The following LRBA variants were observed in gnomAD, a reference collection of about 807,000 sequenced individuals.
The protein encoded by LRBA is lipopolysaccharide-responsive and beige-like anchor protein.
A neutral mutation model predicts 330.0 loss-of-function variants in LRBA; 176 were observed. The ratio of observed to expected loss-of-function variants is 0.53; its 90% CI spans 0.47 to 0.60. LRBA has a LOEUF of 0.60. LRBA is among the 20% of genes least tolerant of loss of function. The pLI, the probability that LRBA is intolerant of heterozygous loss-of-function variation, is 0.00. For synonymous variants in LRBA, 1,230 were observed against 1,193.0 expected, an observed-to-expected ratio of 1.03 and a Z score of -0.64; for missense variants, 3,259 against 3,444.8, an observed-to-expected ratio of 0.95 and a Z score of 1.35.
At chr4:150,762,253 A>G (rs541528183) in intron 34 of LRBA, among the ~76,000 whole-genome samples, 5 of 152,080 alleles carry the variant, frequency 3.3e-5, no homozygotes, top group African/African-American at 1.2e-4. Flanking sequence ...AATAACCCTA[A>G]TAAAAACAGC....
chr4:150,631,015 A>G (rs974528297), intron 37 of LRBA, among the ~76,000 whole-genome samples: 25 of 152,158 alleles, frequency 1.6e-4, no homozygotes, highest in African/African-American at 6.0e-4. Context: ...CTGTAAAAAC[A>G]TTAAAATATT....
intron 2 of LRBA, among the ~76,000 whole-genome samples, chr4:150,995,943 T>C (rs1334573378): frequency 6.6e-6 from 1 of 151,994 alleles, no homozygotes; most frequent in African/African-American, 2.4e-5. Context: ...TCCTTTTCTA[T>C]GAAGTAGGGA....
chr4:150,514,714 T>G (rs1396280176), intron 40 of LRBA, among the ~76,000 whole-genome samples: 1 of 152,204 alleles, frequency 6.6e-6, no homozygotes, highest in African/African-American at 2.4e-5. Flanking sequence ...AAATGTTACA[T>G]GAACCAGGAC....
intron 40 of LRBA, among the ~76,000 whole-genome samples, chr4:150,519,446 C>T (rs1762698813): frequency 6.6e-6 from 1 of 152,138 alleles, no homozygotes; most frequent in Admixed American, 6.5e-5. Context: ...ACGCATGATA[C>T]ACATGGAATC....
chr4:150,966,130 A>C (rs1738853721), intron 2 of LRBA, among the ~76,000 whole-genome samples: 1 of 152,120 alleles, frequency 6.6e-6, no homozygotes, highest in Non-Finnish European at 1.5e-5. Context: ...GTATTATGTG[A>C]AATTTTGCCC....
At chr4:150,407,684 C>T (rs554402628) in intron 47 of LRBA, among the ~76,000 whole-genome samples, 3 of 152,152 alleles carry the variant, frequency 2.0e-5, no homozygotes, top group African/African-American at 7.2e-5. Context: ...AGTATGCTCT[C>T]CAATCACAAT....
chr4:151,004,714 G>A (rs575615633), intron 2 of LRBA, among the ~76,000 whole-genome samples: 4 of 152,308 alleles, frequency 2.6e-5, no homozygotes, highest in African/African-American at 4.8e-5. Flanking sequence ...GGCTGGGCGC[G>A]GTGGCTCACG....
At chr4:150,432,929 A>T (rs1346203046) in intron 46 of LRBA, among the ~76,000 whole-genome samples, 1 of 152,124 alleles carries the variant, frequency 6.6e-6, no homozygotes, top group Non-Finnish European at 1.5e-5. Context: ...AAAGTCACTA[A>T]GTTTTAGGGC....
Position 150,599,135 on chromosome 4 carries a change from CA to C in LRBA, c.5922-5del, listed in dbSNP as rs1773836861. ...GCGCCAGAACTCAAGAGGACGACTA[CA>C]ATGAAACAGAGAAGCCACATATGTT... On this transcript the variant is annotated splice_region_variant and splice_polypyrimidine_tract_variant and intron_variant, in intron 37 of 56. Coordinates refer to ENST00000651943, the MANE Select transcript of LRBA (RefSeq NM_001364905.1). 4.3e-6 allele frequency: 7 copies of C among 1,613,770 alleles called. No individual in the cohort carries two copies. The highest frequency in any genetic ancestry group is 5.9e-6 in the Non-Finnish European group (7 of 1,179,864).
At chr4:150,907,955 T>G (rs904885750) in intron 11 of LRBA, among the ~76,000 whole-genome samples, 5 of 152,230 alleles carry the variant, frequency 3.3e-5, no homozygotes, top group Non-Finnish European at 7.4e-5. Flanking sequence ...AAAGTTAAGT[T>G]CCATAATAAA....
intron 17 of LRBA, among the ~76,000 whole-genome samples, chr4:150,878,812 C>T (rs978113148): frequency 6.6e-6 from 1 of 150,508 alleles, no homozygotes. Flanking sequence ...GATTGAGCTC[C>T]GAAACTGTAT....
chr4:150,312,320 CT>C (rs1389078694), intron 51 of LRBA, among the ~76,000 whole-genome samples: 4 of 152,054 alleles, frequency 2.6e-5, no homozygotes, highest in African/African-American at 9.7e-5. Flanking sequence ...AGGTGTAAGA[CT>C]TCCTAAGAGA....
intron 37 of LRBA, among the ~76,000 whole-genome samples, chr4:150,636,927 C>T (rs185202708): frequency 3.3e-5 from 5 of 152,210 alleles, no homozygotes; most frequent in African/African-American, 4.8e-5. Context: ...GGATTACAGG[C>T]GTGAACTATC....
chr4:150,811,388 A>AT (rs1403293912), intron 31 of LRBA, among the ~76,000 whole-genome samples: 2 of 151,726 alleles, frequency 1.3e-5, no homozygotes, highest in Non-Finnish European at 2.9e-5. Flanking sequence ...AATGGAAAAA[A>AT]TAAATCCCTC....
At chr4:150,911,732 A>G (rs1373353274) in intron 9 of LRBA, among the ~76,000 whole-genome samples, 2 of 151,990 alleles carry the variant, frequency 1.3e-5, no homozygotes, top group South Asian at 4.1e-4. Flanking sequence ...AATGTTCCCT[A>G]CTCTTAAAAT....
At chr4:150,595,581 C>T (rs1051518911) in intron 38 of LRBA, among the ~76,000 whole-genome samples, 3 of 151,894 alleles carry the variant, frequency 2.0e-5, no homozygotes, top group African/African-American at 7.2e-5. Context: ...TGTTTTAGCA[C>T]CTGAATTAAA....
At chr4:150,861,981 C>CA (rs199556164) in intron 22 of LRBA, among the ~76,000 whole-genome samples, 17,325 of 111,240 alleles carry the variant, frequency 0.16, 1,314 homozygotes, top group South Asian at 0.31. Context: ...ACTCTGACTC[C>CA]AAAAAAAAAA....
intron 40 of LRBA, among the ~76,000 whole-genome samples, chr4:150,519,059 C>T (rs992966223): frequency 6.6e-6 from 1 of 151,870 alleles, no homozygotes; most frequent in Non-Finnish European, 1.5e-5. Flanking sequence ...GTTTATTTTA[C>T]TTCATTCATA....
chr4:150,679,867 T>G (rs183339609), intron 37 of LRBA, among the ~76,000 whole-genome samples: 23 of 152,194 alleles, frequency 1.5e-4, no homozygotes, highest in Non-Finnish European at 2.8e-4. Context: ...TTTCCCAGAC[T>G]AATACCAAGA....
Sources: gnomAD v4.1 joint callset for allele counts (sites outside exome capture counted in the v4.1 genomes callset) on GRCh38, gnomAD v4.1.1 for gene constraint, MANE v1.5 for transcripts, NCBI Gene and HGNC (gene_info 2026-07-23, HGNC 2026-07-21) for gene names.